CADPS2: variants seen among roughly 807,000 people sequenced by gnomAD.
CADPS2 encodes calcium-dependent secretion activator 2.
CADPS2 carries 93 observed loss-of-function variants against 172.5 expected under a neutral mutation model. The observed-to-expected ratio is 0.54, with a 90% confidence interval of 0.46 to 0.64. The LOEUF (loss-of-function observed/expected upper bound fraction) is 0.64, where lower values mean the gene tolerates loss of function less well. CADPS2 is among the 30% of genes least tolerant of loss of function. CADPS2 has a pLI of 0.00. For missense variants in CADPS2, 1,420 were observed against 1,565.9 expected (o/e 0.91, Z 1.57); for synonymous variants, 546 against 555.2 (o/e 0.98, Z 0.23).
chr7:122,691,716 G>A (rs1028113185), intron 2 of CADPS2, among the ~76,000 whole-genome samples: 4 of 152,216 alleles, frequency 2.6e-5, no homozygotes, highest in African/African-American at 4.8e-5. Context: ...TGTTGATTGA[G>A]AGGAATGCAT....
At chr7:122,814,603 A>C (rs1800850461) in intron 1 of CADPS2, among the ~76,000 whole-genome samples, 1 of 151,806 alleles carries the variant, frequency 6.6e-6, no homozygotes, top group South Asian at 2.1e-4. Context: ...GTACTCATTC[A>C]TTTGTGTACA....
intron 1 of CADPS2, among the ~76,000 whole-genome samples, chr7:122,776,056 G>A (rs1254922023): frequency 6.6e-6 from 1 of 151,978 alleles, no homozygotes; most frequent in Non-Finnish European, 1.5e-5. Context: ...TTTAAATATT[G>A]TTTCATTCAC....
rs1284794765 is a variant in CADPS2, at chr7:122,820,599, G to A, written c.339+65400C>T. Reference sequence around the variant, plus strand: ...TTTTGAGACGGAGTCTCGCTCTGTCGCCCAGGCTGGAGTGCAGTGGCGCGA... The same window carrying A: ...TTTTGAGACGGAGTCTCGCTCTGTCACCCAGGCTGGAGTGCAGTGGCGCGA... On this transcript the variant is annotated intron_variant, in intron 1 of 29. Coordinates refer to ENST00000449022, the MANE Select transcript of CADPS2 (RefSeq NM_017954.11). Among the ~76,000 whole-genome samples the A allele has an allele frequency of 5.6e-5, 6 of 107,730 alleles. 1 individual carries two copies. Among genetic ancestry groups the A allele is most frequent in the African/African-American group, 1.1e-4 (3 of 26,290 alleles). The allele number at this position is 107,730 out of a possible 152,430, so 70.7% of individuals were successfully genotyped here.
rs537770877 is a variant in CADPS2 at position 122,506,496 on chromosome 7, C to A, written c.1542+6753G>T. 1.8e-3 allele frequency among the ~76,000 whole-genome samples: 272 copies of A among 152,238 alleles called. 2 individuals carry two copies. Among genetic ancestry groups the A allele is most frequent in the African/African-American group, 6.2e-3 (256 of 41,544 alleles). On this transcript the variant is annotated intron_variant, in intron 9 of 29. Transcript: ENST00000449022. ...TGGTATACGAAACCTCCCATTTTGT[C>A]CTCAATTGCCAACCTGTGCAATACC...
At chr7:122,625,123 T>C (rs1304080308) in intron 4 of CADPS2, among the ~76,000 whole-genome samples, 2 of 152,116 alleles carry the variant, frequency 1.3e-5, no homozygotes, top group South Asian at 4.2e-4. Flanking sequence ...CAATCTCGGC[T>C]CACCACAACC....
intron 2 of CADPS2, among the ~76,000 whole-genome samples, chr7:122,730,218 A>G (rs1263058405): frequency 6.6e-6 from 1 of 151,794 alleles, no homozygotes; most frequent in Non-Finnish European, 1.5e-5. Context: ...AATATGAATG[A>G]CCAATATAGA....
chr7:122,839,265 T>C (rs1030208127), intron 1 of CADPS2, among the ~76,000 whole-genome samples: 2 of 152,132 alleles, frequency 1.3e-5, no homozygotes, highest in South Asian at 2.1e-4. Flanking sequence ...TTACACCTTA[T>C]ACAAAAATTA....
intron 7 of CADPS2, among the ~76,000 whole-genome samples, chr7:122,573,906 T>C (rs1035352808): frequency 9.9e-5 from 15 of 152,166 alleles, no homozygotes; most frequent in African/African-American, 2.9e-4. Flanking sequence ...TGGTTTTCAC[T>C]GTAAGAATAA....
intron 1 of CADPS2, among the ~76,000 whole-genome samples, chr7:122,796,055 T>G (rs2139806914): frequency 6.6e-6 from 1 of 152,236 alleles, no homozygotes; most frequent in South Asian, 2.1e-4. Flanking sequence ...CTAACATTCC[T>G]ATACACCAAA....
At chr7:122,599,616 A>G (rs1052676612) in intron 6 of CADPS2, among the ~76,000 whole-genome samples, 1 of 152,084 alleles carries the variant, frequency 6.6e-6, no homozygotes, top group Non-Finnish European at 1.5e-5. Flanking sequence ...CCGGAAGAGA[A>G]GGCTGCCTAG....
chr7:122,882,333 T>C (rs1823130249), intron 1 of CADPS2, among the ~76,000 whole-genome samples: 1 of 152,152 alleles, frequency 6.6e-6, no homozygotes, highest in South Asian at 2.1e-4. Context: ...CATAAAAATA[T>C]AGGTATATGA....
intron 6 of CADPS2, among the ~76,000 whole-genome samples, chr7:122,597,730 C>T (rs2133382036): frequency 6.6e-6 from 1 of 152,122 alleles, no homozygotes; most frequent in African/African-American, 2.4e-5. Context: ...CTTCAATTTC[C>T]CCTGTAATAA....
intron 28 of CADPS2, among the ~76,000 whole-genome samples, chr7:122,327,972 T>G (rs1031512742): frequency 2.6e-5 from 4 of 151,826 alleles, no homozygotes; most frequent in Non-Finnish European, 2.9e-5. Context: ...AGAACGTATA[T>G]TTTGGCTCCT....
chr7:122,448,151 A>G (rs996780750), intron 15 of CADPS2, among the ~76,000 whole-genome samples: 1 of 152,174 alleles, frequency 6.6e-6, no homozygotes, highest in African/African-American at 2.4e-5. Context: ...TAGGAGCTCA[A>G]TAAATATTTG....
At chr7:122,579,461 ATATATATATATATATATAT>A (rs1336791990) in intron 7 of CADPS2, among the ~76,000 whole-genome samples, 1 of 145,456 alleles carries the variant, frequency 6.9e-6, no homozygotes, top group Non-Finnish European at 1.5e-5. Flanking sequence ...ATATATATAT[ATATATATATATATATATAT>A]GTCACTTATG....
At position 122,820,875 on chromosome 7, in the gene CADPS2, C is replaced by T. The variant is rs375162034; in HGVS notation, c.339+65124G>A. 1.9e-4 allele frequency among the ~76,000 whole-genome samples: 27 copies of T among 143,496 alleles called. 1 individual carries two copies. The East Asian group carries it at 3.6e-3, about 19-fold the overall frequency. 94.1% of individuals were successfully genotyped at this position (143,496 alleles called of 152,430 possible). A position where few individuals can be genotyped will look rare whatever the true frequency, so the allele number is the denominator to read the frequency against. ...CGCCCGGCCGACCTTACTGTTTTAG[C>T]CTAGCCCTCATGTCTGCATGCAGTG... On this transcript the variant is annotated intron_variant, in intron 1 of 29. Transcript: ENST00000449022.
chr7:122,784,471 T>C (rs1256464117), intron 1 of CADPS2, among the ~76,000 whole-genome samples: 1 of 152,246 alleles, frequency 6.6e-6, no homozygotes, highest in Non-Finnish European at 1.5e-5. Context: ...TCTGGTTCAT[T>C]TACTGTTTGA....
intron 1 of CADPS2, among the ~76,000 whole-genome samples, chr7:122,808,828 A>C (rs1217756589): frequency 6.6e-6 from 1 of 152,186 alleles, no homozygotes; most frequent in Non-Finnish European, 1.5e-5. Context: ...GTTTCTACAG[A>C]TTTTCAGTAC....
At chr7:122,542,794 C>T (rs2063237505) in intron 8 of CADPS2, among the ~76,000 whole-genome samples, 2 of 151,934 alleles carry the variant, frequency 1.3e-5, no homozygotes, top group African/African-American at 2.4e-5. Flanking sequence ...ATCATCTTCC[C>T]TTTTACAGTT....
Sources: gnomAD v4.1 joint callset for allele counts (sites outside exome capture counted in the v4.1 genomes callset) on GRCh38, gnomAD v4.1.1 for gene constraint, MANE v1.5 for transcripts, NCBI Gene and HGNC (gene_info 2026-07-23, HGNC 2026-07-21) for gene names.